Variants in NXN observed in about 807,000 individuals in gnomAD.
NXN encodes nucleoredoxin 1.
NXN carries 16 observed loss-of-function variants against 48.6 expected under a neutral mutation model. The observed-to-expected ratio is 0.33, with a 90% CI of 0.22 to 0.50. NXN has a LOEUF of 0.50. Among genes scored for constraint, NXN ranks in the 20% least tolerant of loss-of-function variants. NXN has a pLI of 0.98. For missense variants in NXN, 492 were observed against 605.5 expected (o/e 0.81, Z 1.97); for synonymous variants, 281 against 269.6 (o/e 1.04, Z -0.41).
At chr17:913,025 C>T (rs1004010791) in intron 1 of NXN, among the ~76,000 whole-genome samples, 3 of 152,058 alleles carry the variant, frequency 2.0e-5, no homozygotes, top group Non-Finnish European at 2.9e-5. Context: ...CTGTCATATA[C>T]GTTGGAAATA....
chr17:916,505 C>T (rs2068690161), intron 1 of NXN, among the ~76,000 whole-genome samples: 1 of 152,172 alleles, frequency 6.6e-6, no homozygotes, highest in African/African-American at 2.4e-5. Context: ...AAGGAGATTT[C>T]AGACAGTCCC....
intron 1 of NXN, among the ~76,000 whole-genome samples, chr17:852,024 G>T (rs1225275584): frequency 3.3e-5 from 5 of 152,184 alleles, no homozygotes; most frequent in Non-Finnish European, 5.9e-5. Flanking sequence ...AATTAGGGGC[G>T]CCAGTCTCAG....
At chr17:808,591 G>A (rs767216557) in intron 5 of NXN, among the ~76,000 whole-genome samples, 23 of 151,144 alleles carry the variant, frequency 1.5e-4, no homozygotes, top group South Asian at 6.3e-4. Context: ...CACCATGCCC[G>A]GCCAGTGTAA....
In NXN at chr17:812,869, T is replaced by C. The variant is rs1184976822; in HGVS notation, c.820+6570A>G. 2.2e-5 allele frequency among the ~76,000 whole-genome samples: 3 copies of C among 137,656 alleles called. No homozygotes were observed. The Admixed American group carries it at 2.2e-4, about 10-fold the overall frequency. 90.3% of individuals were successfully genotyped at this position (137,656 alleles called of 152,430 possible). On this transcript the variant is annotated intron_variant, in intron 5 of 7. Coordinates refer to ENST00000336868, the MANE Select transcript of NXN (RefSeq NM_022463.5). ...GTGTGTGCATGTGTGTAGGTGTGTG[T>C]GGGTGTGTGCGCACATGTGAATGTA...
At chr17:916,899 A>G (rs2068693683) in intron 1 of NXN, among the ~76,000 whole-genome samples, 1 of 151,584 alleles carries the variant, frequency 6.6e-6, no homozygotes, top group South Asian at 2.1e-4. Context: ...CTTCATCTCT[A>G]AAAAAAAATT....
intron 3 of NXN, among the ~76,000 whole-genome samples, chr17:823,354 G>A (rs908006459): frequency 4.0e-5 from 6 of 151,720 alleles, no homozygotes; most frequent in Non-Finnish European, 5.9e-5. Flanking sequence ...AACTGAGATC[G>A]CGCCACTGCA....
At position 978,482 on chromosome 17, in the gene NXN, C is replaced by T. The variant is rs937233444; in HGVS notation, c.360+837G>A. 1.4e-4 allele frequency: 21 copies of T among 152,392 alleles called. No individual in the cohort carries two copies. The highest frequency in any genetic ancestry group is 2.5e-4 in the Non-Finnish European group (17 of 68,152). The allele number at this position is 152,392 out of a possible 1,614,324, so 9.4% of individuals were successfully genotyped here. ...TCAATGTGCATCGATGGGGTCAGCT[C>T]AGCCCTTAACTCGAAGACCCCGGGA... On this transcript the variant is annotated intron_variant, in intron 1 of 7. Transcript: ENST00000336868. This position sits in a 1 kb window ranked among gnomAD's most constrained non-coding sequence, Gnocchi z 4.1.
intron 2 of NXN, among the ~76,000 whole-genome samples, chr17:824,137 T>G (rs949916595): frequency 6.6e-6 from 1 of 151,606 alleles, no homozygotes. Flanking sequence ...CCTCCCGGGT[T>G]CACGCCATTC....
intron 4 of NXN, among the ~76,000 whole-genome samples, chr17:821,328 G>A (rs556306716): frequency 2.5e-5 from 2 of 78,520 alleles, no homozygotes; most frequent in Non-Finnish European, 4.7e-5. Flanking sequence ...GCCTTAGAGA[G>A]GGCAATAAGC....
At chr17:927,833 T>A (rs1374545913) in intron 1 of NXN, among the ~76,000 whole-genome samples, 1 of 152,040 alleles carries the variant, frequency 6.6e-6, no homozygotes, top group Non-Finnish European at 1.5e-5. Context: ...GAGACAGCCG[T>A]GCCCACTCGC....
chr17:803,201 A>G (rs563971951), intron 7 of NXN, among the ~76,000 whole-genome samples: 3 of 152,322 alleles, frequency 2.0e-5, no homozygotes, highest in Non-Finnish European at 4.4e-5. Flanking sequence ...TGGGTGAAAC[A>G]GACGGGGAGC....
At chr17:951,645 G>C (rs978500893) in intron 1 of NXN, among the ~76,000 whole-genome samples, 2 of 152,018 alleles carry the variant, frequency 1.3e-5, no homozygotes, top group African/African-American at 2.4e-5. Flanking sequence ...TGGCAGAGGC[G>C]GGCAAGCCCC....
chr17:954,194 A>G (rs1354164692), intron 1 of NXN, among the ~76,000 whole-genome samples: 4 of 152,126 alleles, frequency 2.6e-5, no homozygotes, highest in African/African-American at 7.2e-5. Flanking sequence ...CCTGGCCAAC[A>G]TGGTGAACTT....
At chr17:957,570 T>C (rs376595739) in intron 1 of NXN, among the ~76,000 whole-genome samples, 1 of 150,598 alleles carries the variant, frequency 6.6e-6, no homozygotes, top group Non-Finnish European at 1.5e-5. Flanking sequence ...AGGTGTAGGT[T>C]GCAGTGAGCC....
At chr17:842,392 T>C in intron 1 of NXN, 6 of 385,920 alleles carry the variant, frequency 1.6e-5, no homozygotes, top group Non-Finnish European at 2.1e-5. Flanking sequence ...GAAATGGAAA[T>C]GCAGTGCTGC....
In NXN at chr17:819,506, G is replaced by A; in HGVS notation, c.753C>T (p.Pro251=). The part of the protein sequence containing the change: ...ESFKQYFSEM[P]WLAVPYTDEA... ...CATCCGTGTAGGGGACGGCGAGCCA[G>A]GGCATCTCACTGAAGTACTGTTTGA... Residue 251 remains proline, a synonymous_variant, in exon 5 of 8, where the codon CCC becomes CCT. Coordinates refer to ENST00000336868, the MANE Select transcript of NXN (RefSeq NM_022463.5). The A allele has an allele frequency of 6.2e-7, 1 of 1,612,820 alleles. No homozygotes were observed. Among genetic ancestry groups the A allele is most frequent in the Admixed American group, 1.7e-5 (1 of 59,764 alleles).
intron 1 of NXN, among the ~76,000 whole-genome samples, chr17:859,932 AC>A (rs1443919432): frequency 2.0e-5 from 3 of 152,050 alleles, no homozygotes; most frequent in Admixed American, 1.3e-4. Context: ...GATCCTGAGA[AC>A]CAGCATCTCA....
In NXN at chr17:917,489, C is replaced by T. The variant is rs961506271; in HGVS notation, c.360+61830G>A. Among the ~76,000 whole-genome samples, 2 of 152,216 alleles carry T rather than the reference C, an allele frequency of 1.3e-5. No homozygotes were observed. The highest frequency in any genetic ancestry group is 2.9e-5 in the Non-Finnish European group (2 of 68,036). On this transcript the variant is annotated intron_variant, in intron 1 of 7. Transcript: ENST00000336868. This position sits in a 1 kb window ranked among gnomAD's most constrained non-coding sequence, Gnocchi z 4.5. ...AACTCACAGAGCAGCCCCACACTGT[C>T]GTCTGTGGAAACCACACCAGCTCCT... is the stretch of plus-strand genomic sequence containing the variant.
intron 1 of NXN, among the ~76,000 whole-genome samples, chr17:860,170 T>C (rs2144776428): frequency 6.6e-6 from 1 of 152,330 alleles, no homozygotes; most frequent in East Asian, 1.9e-4. Context: ...GTTGCCTAGG[T>C]TGGAGGGCAG....
Sources: allele counts gnomAD v4.1 joint callset (sites outside exome capture counted in the v4.1 genomes callset), GRCh38; gene constraint gnomAD v4.1.1; non-coding constraint Gnocchi (gnomAD v3.1); transcripts MANE v1.5; gene names NCBI Gene and HGNC (gene_info 2026-07-23, HGNC 2026-07-21).